DAB1: variants seen among roughly 807,000 people sequenced by gnomAD.
The protein encoded by DAB1 is DAB adaptor protein 1.
DAB1 carries 15 observed loss-of-function variants against 64.6 expected under a neutral mutation model. The ratio of observed to expected loss-of-function variants is 0.23; its 90% CI spans 0.16 to 0.36. DAB1 has a LOEUF of 0.36. Among genes scored for constraint, DAB1 ranks in the 10% least tolerant of loss-of-function variants. The probability of loss-of-function intolerance (pLI) is 1.00; values close to 1 mark genes in which losing one functional copy is unlikely to be tolerated. For synonymous variants in DAB1, 235 were observed against 251.9 expected (o/e 0.93, Z 0.64); for missense variants, 596 against 706.7 (o/e 0.84, Z 1.78).
At chr1:57,033,191 C>CACAT (rs1454666429) in intron 9 of DAB1, among the ~76,000 whole-genome samples, 1 of 151,714 alleles carries the variant, frequency 6.6e-6, no homozygotes, top group Non-Finnish European at 1.5e-5. Context: ...CACACACACA[C>CACAT]ACGTGTACAT....
intron 4 of DAB1, among the ~76,000 whole-genome samples, chr1:58,301,863 C>T (rs181044843): frequency 2.0e-4 from 31 of 152,242 alleles, no homozygotes; most frequent in African/African-American, 6.0e-4. Flanking sequence ...AAAGCATCTA[C>T]CCTATAGGGT....
In DAB1 at chr1:57,663,422, G is replaced by C. The variant is rs1570717099; in HGVS notation, n.552-13757C>G. On this transcript the variant is annotated intron_variant and non_coding_transcript_variant, in intron 6 of 20. Transcript: ENST00000485760. Reference sequence around the variant, plus strand: ...AGAAGGAAGAAGGAATTTGTCCAAAGTTATACATTAGTAAAAGGTTAAGAT... The same window carrying C: ...AGAAGGAAGAAGGAATTTGTCCAAACTTATACATTAGTAAAAGGTTAAGAT... Among the ~76,000 whole-genome samples, 3 of 152,280 alleles carry C rather than the reference G, an allele frequency of 2.0e-5. No homozygotes were observed. In the East Asian group the frequency reaches 5.8e-4, roughly 29 times the overall value.
chr1:58,381,711 G>A (rs1321639292), intron 3 of DAB1, among the ~76,000 whole-genome samples: 1 of 152,190 alleles, frequency 6.6e-6, no homozygotes, highest in Non-Finnish European at 1.5e-5. Context: ...TTGGGAGGTG[G>A]AGTATTGCAG....
At chr1:57,127,639 TG>T (rs1657247878) in intron 4 of DAB1, among the ~76,000 whole-genome samples, 1 of 152,222 alleles carries the variant, frequency 6.6e-6, no homozygotes, top group African/African-American at 2.4e-5. Context: ...ACCCAGTAGG[TG>T]CTCAATAAGT....
intron 6 of DAB1, among the ~76,000 whole-genome samples, chr1:57,810,072 T>C (rs1340731241): frequency 6.6e-6 from 1 of 152,194 alleles, no homozygotes; most frequent in Admixed American, 6.5e-5. Flanking sequence ...TCCAACTCAG[T>C]TGCCACTGCC....
At chr1:57,948,925 T>A (rs904986698) in intron 5 of DAB1, among the ~76,000 whole-genome samples, 13 of 152,148 alleles carry the variant, frequency 8.5e-5, no homozygotes, top group Non-Finnish European at 2.9e-5. Context: ...CATTATCTGT[T>A]TGAATGTAAT....
intron 7 of DAB1, among the ~76,000 whole-genome samples, chr1:57,644,922 C>A (rs1477139212): frequency 6.6e-6 from 1 of 152,142 alleles, no homozygotes; most frequent in Non-Finnish European, 1.5e-5. Flanking sequence ...GTTTTTACTG[C>A]TTTGCAGCTT....
intron 2 of DAB1, among the ~76,000 whole-genome samples, chr1:58,520,367 A>G (rs1274790906): frequency 6.6e-6 from 1 of 152,222 alleles, no homozygotes; most frequent in Non-Finnish European, 1.5e-5. Context: ...CAACTCAAGA[A>G]TAAGAACACA....
intron 1 of DAB1, among the ~76,000 whole-genome samples, chr1:57,414,102 T>C (rs1292835327): frequency 6.6e-6 from 1 of 152,200 alleles, no homozygotes; most frequent in Non-Finnish European, 1.5e-5. Flanking sequence ...CAGCAAAGGA[T>C]TTACATAAAC....
chr1:57,875,396 G>A (rs923759759), intron 1 of DAB1, among the ~76,000 whole-genome samples: 1 of 151,916 alleles, frequency 6.6e-6, no homozygotes, highest in Non-Finnish European at 1.5e-5. Context: ...CTTGCTCTAC[G>A]ACTCAGCTCA....
chr1:57,585,661 A>G (rs1469915439), intron 7 of DAB1, among the ~76,000 whole-genome samples: 1 of 152,172 alleles, frequency 6.6e-6, no homozygotes, highest in East Asian at 1.9e-4. Context: ...ATTCTATAAT[A>G]AGATCAATTC....
intron 6 of DAB1, among the ~76,000 whole-genome samples, chr1:57,776,570 CA>C (rs1219517303): frequency 6.6e-6 from 1 of 151,718 alleles, no homozygotes; most frequent in African/African-American, 2.4e-5. Flanking sequence ...TTTGTCTCCA[CA>C]ATTGCCTTAT....
At chr1:57,492,233 T>C (rs1644174175) in intron 7 of DAB1, among the ~76,000 whole-genome samples, 1 of 152,216 alleles carries the variant, frequency 6.6e-6, no homozygotes, top group Non-Finnish European at 1.5e-5. Flanking sequence ...TATGGATTAA[T>C]GAACAGTGTA....
At chr1:58,339,105 T>C (rs1663191537) in intron 4 of DAB1, among the ~76,000 whole-genome samples, 1 of 152,182 alleles carries the variant, frequency 6.6e-6, no homozygotes, top group Non-Finnish European at 1.5e-5. Context: ...TGCACATCAT[T>C]GTGAAAGTCA....
chr1:58,104,614 T>C (rs1036500731), intron 5 of DAB1, among the ~76,000 whole-genome samples: 1 of 152,186 alleles, frequency 6.6e-6, no homozygotes, highest in Non-Finnish European at 1.5e-5. Context: ...TAAACCCCCA[T>C]TTCCCAAATC....
intron 3 of DAB1, among the ~76,000 whole-genome samples, chr1:58,361,363 C>CTG (rs1473436461): frequency 2.6e-5 from 4 of 152,236 alleles, no homozygotes; most frequent in African/African-American, 9.6e-5. Flanking sequence ...GCAGATTGGA[C>CTG]CACTAAGGAC....
At chr1:58,132,456 T>C (rs990154629) in intron 5 of DAB1, among the ~76,000 whole-genome samples, 21 of 152,212 alleles carry the variant, frequency 1.4e-4, no homozygotes, top group African/African-American at 4.6e-4. Flanking sequence ...ACTGGAGCTG[T>C]TCCTATTCGG....
At chr1:58,477,640 T>C (rs1212797338) in intron 3 of DAB1, among the ~76,000 whole-genome samples, 1 of 152,164 alleles carries the variant, frequency 6.6e-6, no homozygotes, top group Non-Finnish European at 1.5e-5. Context: ...CAGTCACACA[T>C]CCAGCTGGAT....
intron 5 of DAB1, among the ~76,000 whole-genome samples, chr1:58,138,467 G>A (rs1654072913): frequency 6.6e-6 from 1 of 152,166 alleles, no homozygotes. Context: ...AGGGCATCCT[G>A]AGGAATACAA....
Sources: gnomAD v4.1 joint callset for allele counts (sites outside exome capture counted in the v4.1 genomes callset) on GRCh38, gnomAD v4.1.1 for gene constraint, MANE v1.5 for transcripts, NCBI Gene and HGNC (gene_info 2026-07-23, HGNC 2026-07-21) for gene names.